The following NUMB variants were observed in gnomAD, a reference collection of about 807,000 sequenced individuals.
NUMB encodes NUMB endocytic adaptor protein, also known as protein numb homolog.
A neutral mutation model predicts 59.7 loss-of-function variants in NUMB; 29 were observed. The observed-to-expected ratio is 0.49, with a 90% CI of 0.36 to 0.66. NUMB has a LOEUF of 0.66. NUMB is among the 30% of genes least tolerant of loss of function. The probability of loss-of-function intolerance (pLI) is 0.00; values close to 1 mark genes in which losing one functional copy is unlikely to be tolerated. For synonymous variants in NUMB, 288 were observed against 288.2 expected (o/e 1.00, Z 0.01); for missense variants, 723 against 822.0 (o/e 0.88, Z 1.47).
intron 2 of NUMB, among the ~76,000 whole-genome samples, chr14:73,397,681 C>T (rs1205505400): frequency 3.9e-5 from 6 of 152,158 alleles, no homozygotes; most frequent in Non-Finnish European, 4.4e-5. Flanking sequence ...AGCATTCTCA[C>T]TTTTATAATA....
chr14:73,360,283 C>T (rs546291502), intron 3 of NUMB, among the ~76,000 whole-genome samples: 2 of 152,310 alleles, frequency 1.3e-5, no homozygotes, highest in African/African-American at 2.4e-5. Flanking sequence ...CGGCTGGGCA[C>T]GGTGGCTCAT....
chr14:73,411,028 A>T (rs968172554), intron 1 of NUMB, among the ~76,000 whole-genome samples: 1 of 152,090 alleles, frequency 6.6e-6, no homozygotes, highest in African/African-American at 2.4e-5. Flanking sequence ...GAATGATAGG[A>T]TGGATTTTGT....
chr14:73,406,916 C>A (rs1253837335), intron 2 of NUMB, among the ~76,000 whole-genome samples: 1 of 152,046 alleles, frequency 6.6e-6, no homozygotes, highest in Non-Finnish European at 1.5e-5. Context: ...CTGTTCATAT[C>A]CTTCGCCCAC....
chr14:73,451,725 A>C (rs924437553), intron 1 of NUMB, among the ~76,000 whole-genome samples: 6 of 152,228 alleles, frequency 3.9e-5, no homozygotes, highest in African/African-American at 1.4e-4. Flanking sequence ...CCAAAGTCAA[A>C]GGTAACCAAG....
intron 2 of NUMB, among the ~76,000 whole-genome samples, chr14:73,376,327 G>C (rs1229688085): frequency 6.6e-6 from 1 of 151,504 alleles, no homozygotes; most frequent in South Asian, 2.1e-4. Flanking sequence ...AATGACTTAA[G>C]TATAAGTCTA....
intron 1 of NUMB, among the ~76,000 whole-genome samples, chr14:73,413,603 C>A (rs1200967763): frequency 6.6e-6 from 1 of 151,528 alleles, no homozygotes; most frequent in Middle Eastern, 3.2e-3. Flanking sequence ...ACCAAAAATA[C>A]AAAAATTAGC....
At chr14:73,406,718 A>G (rs1896689385) in intron 2 of NUMB, among the ~76,000 whole-genome samples, 1 of 152,124 alleles carries the variant, frequency 6.6e-6, no homozygotes, top group African/African-American at 2.4e-5. Context: ...CAACAGTGTA[A>G]AAGTGTTCCT....
At chr14:73,420,771 G>T (rs1211069282) in intron 1 of NUMB, among the ~76,000 whole-genome samples, 2 of 152,088 alleles carry the variant, frequency 1.3e-5, no homozygotes, top group African/African-American at 4.8e-5. Context: ...AGTGAGCTGA[G>T]ATCGCACCAT....
At chr14:73,351,916 C>T (rs539206171) in intron 4 of NUMB, among the ~76,000 whole-genome samples, 2 of 151,950 alleles carry the variant, frequency 1.3e-5, no homozygotes, top group African/African-American at 2.4e-5. Context: ...GTGGAGCTTG[C>T]AGTGAGCCGA....
chr14:73,335,205 GA>G (rs1258896319), intron 4 of NUMB, among the ~76,000 whole-genome samples: 2 of 149,026 alleles, frequency 1.3e-5, no homozygotes, highest in African/African-American at 4.9e-5. Context: ...CTGAGGAATG[GA>G]TACAGGTTTC....
intron 2 of NUMB, among the ~76,000 whole-genome samples, chr14:73,381,968 T>C (rs1895264950): frequency 6.6e-6 from 1 of 151,834 alleles, no homozygotes; most frequent in African/African-American, 2.4e-5. Context: ...AAACCAGAGC[T>C]TTTGGAAACC....
chr14:73,304,220 G>A (rs1255259155), intron 6 of NUMB, among the ~76,000 whole-genome samples: 2 of 152,180 alleles, frequency 1.3e-5, no homozygotes, highest in Non-Finnish European at 2.9e-5. Context: ...TAAAAGCTAC[G>A]TACAGTAAAA....
chr14:73,362,103 A>G (rs28653374), intron 3 of NUMB, among the ~76,000 whole-genome samples: 38,924 of 151,768 alleles, frequency 0.26, 5,793 homozygotes, highest in East Asian at 0.68. Flanking sequence ...CAAAAAATAC[A>G]AAAACTAGCC....
chr14:73,299,396 C>G (rs1455658695), intron 6 of NUMB: 3 of 152,078 alleles, frequency 2.0e-5, no homozygotes, highest in Non-Finnish European at 4.4e-5. Flanking sequence ...TTGAAGGCCT[C>G]AAGAGCAAAA....
intron 1 of NUMB, among the ~76,000 whole-genome samples, chr14:73,434,474 A>C (rs956403682): frequency 6.6e-6 from 1 of 152,228 alleles, no homozygotes; most frequent in Non-Finnish European, 1.5e-5. Flanking sequence ...CTAGGCTATC[A>C]GTTCTCACAA....
At position 73,297,214 on chromosome 14, in the gene NUMB, A is replaced by G; in HGVS notation, c.306T>C (p.Thr102=). 1 of 1,571,780 alleles carries G rather than the reference A, an allele frequency of 6.4e-7. No individual in the cohort carries two copies. Among genetic ancestry groups the G allele is most frequent in the Non-Finnish European group, 8.7e-7 (1 of 1,144,238 alleles). Residue 102 remains threonine, a synonymous_variant, in exon 7 of 13, where the codon ACT becomes ACC. Transcript: ENST00000555238. ...AAATAAAAATAAAGAATCTTACCTT[A>G]GTTTTTTCATCCACAACTCTGAGTC... ...ADGLRVVDEK[T]KDLIVDQTIE... is the part of the protein sequence containing the mutation.
chr14:73,439,737 G>A (rs560496473), intron 1 of NUMB, among the ~76,000 whole-genome samples: 21 of 152,220 alleles, frequency 1.4e-4, no homozygotes, highest in African/African-American at 5.1e-4. Context: ...GATAAAAAGG[G>A]TGCTAGGATA....
intron 7 of NUMB, among the ~76,000 whole-genome samples, chr14:73,295,425 CAATT>C (rs777605244): frequency 6.6e-6 from 1 of 152,124 alleles, no homozygotes. Flanking sequence ...TTGTATAAAA[CAATT>C]AAATACATAG....
intron 3 of NUMB, among the ~76,000 whole-genome samples, chr14:73,363,022 G>A (rs1343849761): frequency 6.6e-6 from 1 of 152,122 alleles, no homozygotes; most frequent in Non-Finnish European, 1.5e-5. Context: ...AAAGCCGGGT[G>A]CAGTGGCTCA....
Sources: allele counts gnomAD v4.1 joint callset (sites outside exome capture counted in the v4.1 genomes callset), GRCh38; gene constraint gnomAD v4.1.1; transcripts MANE v1.5; gene names NCBI Gene and HGNC (gene_info 2026-07-23, HGNC 2026-07-21).